BBS9: variants seen among roughly 807,000 people sequenced by gnomAD.
BBS9 encodes the protein protein PTHB1.
Under a neutral mutation model 117.7 loss-of-function variants are expected in BBS9, and 89 were observed. The ratio of observed to expected loss-of-function variants is 0.76; its 90% CI spans 0.64 to 0.90. The LOEUF is 0.90. BBS9 is among the 40% of genes least tolerant of loss of function. The pLI is 0.00. For synonymous variants in BBS9, 379 were observed against 370.9 expected (o/e 1.02, Z -0.25); for missense variants, 982 against 1,042.2 (o/e 0.94, Z 0.80).
chr7:33,294,473 G>A (rs1462972154), intron 9 of BBS9, among the ~76,000 whole-genome samples: 1 of 152,098 alleles, frequency 6.6e-6, no homozygotes, highest in Non-Finnish European at 1.5e-5. Flanking sequence ...AGAGAGGGCA[G>A]GCAGAGGCAT....
chr7:33,284,478 T>C (rs1167525125), intron 9 of BBS9, among the ~76,000 whole-genome samples: 6 of 152,288 alleles, frequency 3.9e-5, no homozygotes, highest in African/African-American at 1.4e-4. Flanking sequence ...TCATTTTTTC[T>C]GTAAATGCCA....
Position 33,329,017 on chromosome 7 carries a change from ATTTATTTATTTG to A in BBS9, c.1017-7415_1017-7404del, listed in dbSNP as rs975571274. Among the ~76,000 whole-genome samples the A allele has an allele frequency of 1.2e-4, 18 of 148,918 alleles. No individual in the cohort carries two copies. In the South Asian group the frequency reaches 2.7e-3, roughly 23 times the overall value. On this transcript the variant is annotated intron_variant, in intron 9 of 22. Transcript: ENST00000242067. The stretch of plus-strand genomic sequence containing the variant: ...CTTTTATTTATTTATTTATTTATTT[ATTTATTTATTTG>A]TTTATTTAGAAACGGAGTTTCGCTC...
intron 21 of BBS9, among the ~76,000 whole-genome samples, chr7:33,560,952 A>G (rs1225484396): frequency 6.6e-6 from 1 of 152,168 alleles, no homozygotes; most frequent in Non-Finnish European, 1.5e-5. Context: ...TTAATTGAAC[A>G]TGTCTGACTT....
At chr7:33,301,842 G>A (rs1806518932) in intron 9 of BBS9, among the ~76,000 whole-genome samples, 1 of 151,970 alleles carries the variant, frequency 6.6e-6, no homozygotes, top group East Asian at 1.9e-4. Context: ...AGTTTTTTGA[G>A]GAACCTCCAA....
intron 19 of BBS9, among the ~76,000 whole-genome samples, chr7:33,494,017 A>G (rs1167959743): frequency 6.6e-6 from 1 of 152,212 alleles, no homozygotes. Context: ...TGCTGGAGAT[A>G]CTAGTAGCCT....
chr7:33,167,639 T>C (rs1423311665), intron 4 of BBS9, among the ~76,000 whole-genome samples: 1 of 152,048 alleles, frequency 6.6e-6, no homozygotes, highest in Non-Finnish European at 1.5e-5. Context: ...GACCTTGTGA[T>C]CCACCCTCCT....
chr7:33,361,105 G>A (rs903853356), intron 16 of BBS9, among the ~76,000 whole-genome samples: 1 of 152,030 alleles, frequency 6.6e-6, no homozygotes, highest in African/African-American at 2.4e-5. Context: ...GGAAATTTCT[G>A]CTTAGGTTTC....
intron 9 of BBS9, among the ~76,000 whole-genome samples, chr7:33,275,046 A>T (rs1040664372): frequency 2.7e-5 from 4 of 150,694 alleles, no homozygotes; most frequent in African/African-American, 9.8e-5. Flanking sequence ...AGTGACACCT[A>T]TAGTTTCTCA....
chr7:33,600,713 T>G (rs1011177338), intron 21 of BBS9, among the ~76,000 whole-genome samples: 1 of 152,146 alleles, frequency 6.6e-6, no homozygotes, highest in African/African-American at 2.4e-5. Context: ...ACAGCCTCAA[T>G]GCCTGAGCCA....
chr7:33,439,835 A>G (rs1399420400), intron 19 of BBS9, among the ~76,000 whole-genome samples: 1 of 152,112 alleles, frequency 6.6e-6, no homozygotes, highest in Non-Finnish European at 1.5e-5. Flanking sequence ...CCTTTTATCA[A>G]TTGTTAAAGG....
chr7:33,369,813 T>C (rs73101679), intron 17 of BBS9, among the ~76,000 whole-genome samples: 87 of 152,316 alleles, frequency 5.7e-4, no homozygotes, highest in Non-Finnish European at 1.1e-3. Flanking sequence ...TTTTCATTTT[T>C]TGAAAGGTAC....
Position 33,301,251 on chromosome 7 carries a change from A to G in BBS9, c.1016+27295A>G, listed in dbSNP as rs139601269. 2.1e-3 allele frequency among the ~76,000 whole-genome samples: 322 copies of G among 152,162 alleles called. 1 individual carries two copies. The highest frequency in any genetic ancestry group is 7.4e-3 in the African/African-American group (307 of 41,544). On this transcript the variant is annotated intron_variant, in intron 9 of 22. Transcript: ENST00000242067. Reference sequence around the variant, plus strand: ...GGTAAATGGGGTATCCATCACCTCAAGCATTTATCCATTGTGTTACAAATA... The same window carrying G: ...GGTAAATGGGGTATCCATCACCTCAGGCATTTATCCATTGTGTTACAAATA...
At chr7:33,560,747 T>G (rs1035178051) in intron 21 of BBS9, among the ~76,000 whole-genome samples, 1 of 152,196 alleles carries the variant, frequency 6.6e-6, no homozygotes, top group African/African-American at 2.4e-5. Flanking sequence ...ATGTTTATTC[T>G]TAAGCATCTC....
rs1459499164 is a variant in BBS9, at chr7:33,336,494, C to T, written c.1070C>T (p.Ser357Leu). The change falls in exon 10 of 23, where the codon TCA becomes TTA. Residue 357 changes from serine to leucine, a missense_variant. Transcript: ENST00000242067. The part of the protein sequence containing the change: ...TLSDDGHLQC[S>L]YLGTDPSLFQ... ...AGTGATGATGGTCACTTGCAGTGTTCATACCTGGGGACAGATCCTTCTCTG... is the reference window on the plus strand; with the variant it reads ...AGTGATGATGGTCACTTGCAGTGTTTATACCTGGGGACAGATCCTTCTCTG... 1.9e-6 allele frequency: 3 copies of T among 1,613,660 alleles called. No individual in the cohort carries two copies. Among genetic ancestry groups the T allele is most frequent in the East Asian group, 4.5e-5 (2 of 44,858 alleles).
At chr7:33,549,838 A>G (rs564426890) in intron 21 of BBS9, among the ~76,000 whole-genome samples, 5 of 152,202 alleles carry the variant, frequency 3.3e-5, no homozygotes, top group East Asian at 1.9e-4. Flanking sequence ...TCGATTTGCC[A>G]AAAGATAGAG....
chr7:33,224,852 G>T (rs1025687104), intron 5 of BBS9, among the ~76,000 whole-genome samples: 1 of 152,178 alleles, frequency 6.6e-6, no homozygotes, highest in Admixed American at 6.5e-5. Context: ...ATGCTCCCTG[G>T]TTGTCTCTCT....
chr7:33,542,438 G>A (rs1404032498), intron 21 of BBS9, among the ~76,000 whole-genome samples: 1 of 152,084 alleles, frequency 6.6e-6, no homozygotes, highest in Non-Finnish European at 1.5e-5. Flanking sequence ...CATCACCCAT[G>A]TATACACTGC....
chr7:33,546,274 T>G (rs574332813), intron 21 of BBS9, among the ~76,000 whole-genome samples: 1 of 152,164 alleles, frequency 6.6e-6, no homozygotes, highest in Non-Finnish European at 1.5e-5. Flanking sequence ...ATTTCATTAT[T>G]AAATAGCATA....
intron 16 of BBS9, among the ~76,000 whole-genome samples, chr7:33,364,516 TTCC>T (rs1821272893): frequency 6.6e-6 from 1 of 151,996 alleles, no homozygotes; most frequent in South Asian, 2.1e-4. Flanking sequence ...TTTCATTTTT[TTCC>T]TCCTCTCACT....
Sources: gnomAD v4.1 joint callset for allele counts (sites outside exome capture counted in the v4.1 genomes callset) on GRCh38, gnomAD v4.1.1 for gene constraint, MANE v1.5 for transcripts, NCBI Gene and HGNC (gene_info 2026-07-23, HGNC 2026-07-21) for gene names.